The following ATF6 variants were observed in gnomAD, a reference collection of about 807,000 sequenced individuals.
ATF6 encodes the protein cyclic AMP-dependent transcription factor ATF-6 alpha.
A neutral mutation model predicts 83.6 loss-of-function variants in ATF6; 53 were observed. The ratio of observed to expected loss-of-function variants is 0.63; its 90% confidence interval spans 0.51 to 0.80. ATF6 has a LOEUF of 0.80. Among genes scored for constraint, ATF6 ranks in the 30% least tolerant of loss-of-function variants. ATF6 has a pLI of 0.00. For synonymous variants in ATF6, 288 were observed against 285.8 expected, an observed-to-expected ratio of 1.01 and a Z score of -0.08; for missense variants, 744 against 797.9, an observed-to-expected ratio of 0.93 and a Z score of 0.81.
intron 15 of ATF6, among the ~76,000 whole-genome samples, chr1:161,934,381 G>C (rs560406986): frequency 9.2e-5 from 14 of 152,280 alleles, no homozygotes; most frequent in African/African-American, 3.4e-4. Flanking sequence ...TGCAGTAGGG[G>C]CTCTGCAAGA....
chr1:161,820,268 T>C (rs1487726489), intron 8 of ATF6, among the ~76,000 whole-genome samples: 1 of 152,238 alleles, frequency 6.6e-6, no homozygotes, highest in Non-Finnish European at 1.5e-5. Context: ...ATTTGCTGTT[T>C]TCAGAATTTC....
At chr1:161,937,696 C>T (rs1688565393) in intron 15 of ATF6, among the ~76,000 whole-genome samples, 1 of 150,610 alleles carries the variant, frequency 6.6e-6, no homozygotes, top group South Asian at 2.1e-4. Flanking sequence ...ACAATGAGAA[C>T]ACACGGACAC....
Position 161,841,659 on chromosome 1 carries a change from T to A in ATF6, c.1188-4790T>A, listed in dbSNP as rs4233378. 2.8e-3 allele frequency among the ~76,000 whole-genome samples: 429 copies of A among 152,190 alleles called. 3 individuals carry two copies. Among genetic ancestry groups the A allele is most frequent in the Non-Finnish European group, 3.0e-3 (201 of 67,994 alleles). On this transcript the variant is annotated intron_variant, in intron 9 of 15. Coordinates refer to ENST00000367942, the MANE Select transcript of ATF6 (RefSeq NM_007348.4). ...AAAATACTTTATTGACTCTGTGTAA[T>A]GTAAATAAGATAATTTTTGTGAAGC...
intron 14 of ATF6, among the ~76,000 whole-genome samples, chr1:161,904,975 A>G (rs1385893363): frequency 6.6e-6 from 1 of 152,180 alleles, no homozygotes; most frequent in Non-Finnish European, 1.5e-5. Context: ...CTTTCCTAAA[A>G]TGTGCTTTAG....
At chr1:161,850,418 A>G (rs903033994) in intron 10 of ATF6, among the ~76,000 whole-genome samples, 1 of 152,026 alleles carries the variant, frequency 6.6e-6, no homozygotes, top group Non-Finnish European at 1.5e-5. Flanking sequence ...GCGTCTTCTC[A>G]TCATTTAGGC....
At chr1:161,820,741 C>T (rs1191874228) in intron 8 of ATF6, among the ~76,000 whole-genome samples, 1 of 151,902 alleles carries the variant, frequency 6.6e-6, no homozygotes, top group African/African-American at 2.4e-5. Context: ...AGTGACACTC[C>T]GTCTCAAAAA....
chr1:161,894,525 T>C (rs1376086463), intron 14 of ATF6, among the ~76,000 whole-genome samples: 1 of 25,470 alleles, frequency 3.9e-5, no homozygotes, highest in Non-Finnish European at 6.4e-5. Flanking sequence ...TGTAGTCTTT[T>C]TTTTTTTTTT....
intron 9 of ATF6, among the ~76,000 whole-genome samples, chr1:161,825,912 G>T (rs1006901224): frequency 2.6e-5 from 4 of 152,114 alleles, no homozygotes; most frequent in Admixed American, 6.5e-5. Context: ...TCATCCAAGA[G>T]TCACCTCATT....
rs1188760693 is a variant in ATF6, at chr1:161,857,030, G to C, written c.1534-3177G>C. On this transcript the variant is annotated intron_variant, in intron 12 of 15. Transcript: ENST00000367942. ...GATGGGGAAGAATCTGTATTTGTCA[G>C]TAGTATTTGTCAGTAGTAAAGAAGT... is the stretch of plus-strand genomic sequence containing the variant. Among the ~76,000 whole-genome samples the C allele has an allele frequency of 2.6e-5, 4 of 152,288 alleles. No individual in the cohort carries two copies. The East Asian group carries it at 7.7e-4, about 29-fold the overall frequency.
intron 15 of ATF6, among the ~76,000 whole-genome samples, chr1:161,939,842 T>C (rs546583089): frequency 3.3e-5 from 5 of 152,334 alleles, no homozygotes; most frequent in Middle Eastern, 3.4e-3. Flanking sequence ...TTAGGAAATA[T>C]AGTCTTTAGG....
intron 4 of ATF6, among the ~76,000 whole-genome samples, chr1:161,790,512 A>G (rs188454367): frequency 5.9e-5 from 9 of 152,198 alleles, no homozygotes; most frequent in South Asian, 2.1e-4. Context: ...ACTAAATTAA[A>G]GAAAATAGCA....
chr1:161,827,027 G>A (rs1052408500), intron 9 of ATF6, among the ~76,000 whole-genome samples: 4 of 150,490 alleles, frequency 2.7e-5, no homozygotes, highest in Non-Finnish European at 2.9e-5. Flanking sequence ...TGCCTCCCAG[G>A]TTCAAGCGAT....
chr1:161,785,419 G>T (rs1346533839), intron 4 of ATF6, among the ~76,000 whole-genome samples: 1 of 152,044 alleles, frequency 6.6e-6, no homozygotes, highest in East Asian at 1.9e-4. Flanking sequence ...ATTACAAAAG[G>T]TAGCATACTG....
chr1:161,768,074 G>A (rs766403759), intron 1 of ATF6, among the ~76,000 whole-genome samples: 1 of 152,120 alleles, frequency 6.6e-6, no homozygotes, highest in Non-Finnish European at 1.5e-5. Context: ...AGGCTGGTCT[G>A]GAGCTCTGGA....
At position 161,796,059 on chromosome 1, in the gene ATF6, T is replaced by C. The variant is rs1188788345; in HGVS notation, c.688+3732T>C. Among the ~76,000 whole-genome samples, 4 of 151,592 alleles carry C rather than the reference T, an allele frequency of 2.6e-5. No homozygotes were observed. The East Asian group carries it at 7.8e-4, about 30-fold the overall frequency. Reference sequence around the variant, plus strand: ...GGCTTGGTAGGACTCAAGCCACATTTGGCCTTGCCTTGGTATTCTTCCATC... The same window carrying C: ...GGCTTGGTAGGACTCAAGCCACATTCGGCCTTGCCTTGGTATTCTTCCATC... On this transcript the variant is annotated intron_variant, in intron 6 of 15. Coordinates refer to ENST00000367942, the MANE Select transcript of ATF6 (RefSeq NM_007348.4).
chr1:161,952,959 A>G (rs1420731142), intron 15 of ATF6, among the ~76,000 whole-genome samples: 3 of 152,148 alleles, frequency 2.0e-5, no homozygotes, highest in African/African-American at 4.8e-5. Context: ...CTCTCCTGCC[A>G]TTTGCCAGCT....
intron 14 of ATF6, 42 bp from the exon 15 acceptor site, chr1:161,912,254 G>T: frequency 6.8e-7 from 1 of 1,465,226 alleles, no homozygotes. Context: ...CTAGGACTAA[G>T]CCAATTGTTA....
chr1:161,830,952 TC>T (rs1686042212), intron 9 of ATF6, among the ~76,000 whole-genome samples: 1 of 152,018 alleles, frequency 6.6e-6, no homozygotes, highest in Non-Finnish European at 1.5e-5. Flanking sequence ...ACAAATGGGA[TC>T]TAATTAAACT....
At position 161,863,199 on chromosome 1, in the gene ATF6, A is replaced by G. The variant is rs760036474; in HGVS notation, c.1606A>G (p.Arg536Gly). 3.8e-6 allele frequency: 6 copies of G among 1,572,458 alleles called. No homozygotes were observed. In the Admixed American group the frequency reaches 8.6e-5, roughly 23 times the overall value. ...QYTETTSSIS[R>G]NSGSELQVYY... ...TACCTTATATTTTTCTTACTTTAGC[A>G]GGAACTCAGGGAGTGAGCTACAAGT... Residue 536 changes from arginine to glycine, a missense_variant and splice_region_variant, in exon 14 of 16, where the codon AGG (arginine) becomes GGG (glycine). Arg to Gly is a moderately radical substitution (Grantham distance 125). Coordinates refer to ENST00000367942, the MANE Select transcript of ATF6 (RefSeq NM_007348.4).
Sources: allele counts gnomAD v4.1 joint callset (sites outside exome capture counted in the v4.1 genomes callset), GRCh38; gene constraint gnomAD v4.1.1; transcripts MANE v1.5; gene names NCBI Gene and HGNC (gene_info 2026-07-23, HGNC 2026-07-21).